The following GABRR3 variants were observed in gnomAD, a reference collection of about 807,000 sequenced individuals.
GABRR3 encodes the protein gamma-aminobutyric acid receptor subunit rho-3.
In GABRR3, 29 loss-of-function variants were observed where a neutral mutation model predicts 43.2. The ratio of observed to expected loss-of-function variants is 0.67; its 90% CI spans 0.50 to 0.92. GABRR3 has a LOEUF of 0.92. Among genes scored for constraint, GABRR3 ranks in the 40% least tolerant of loss-of-function variants. The pLI is 0.00. For synonymous variants in GABRR3, 206 were observed against 195.9 expected (o/e 1.05, Z -0.43); for missense variants, 576 against 572.3 (o/e 1.01, Z -0.07).
chr3:98,010,533 T>C (rs1706776382), intron 5 of GABRR3, among the ~76,000 whole-genome samples: 1 of 152,160 alleles, frequency 6.6e-6, no homozygotes, highest in Admixed American at 6.5e-5. Context: ...ACCATCTGGC[T>C]TGGCCCCCGG....
chr3:98,007,765 T>G, exon 7 of GABRR3: 1 of 1,613,654 alleles, frequency 6.2e-7, no homozygotes, highest in Admixed American at 1.7e-5. Context: ...ATGCTGTACC[T>G]GTGCTGCTAT....
chr3:98,020,002 A>G lies in GABRR3; in HGVS notation c.239-2280T>C, dbSNP rs926339266. Among the ~76,000 whole-genome samples, 11 of 152,296 alleles carry G rather than the reference A, an allele frequency of 7.2e-5. 1 individual carries two copies. The highest frequency in any genetic ancestry group is 3.4e-3 in the Middle Eastern group (1 of 294). On this transcript the variant is annotated intron_variant, in intron 3 of 9. Transcript: ENST00000621172. ...GTGTGCCTTTTTTCTTGGAATTAGT[A>G]GAATAATCAAAATAACAATTCACGA...
At chr3:98,028,147 T>C (rs968555563) in intron 2 of GABRR3, among the ~76,000 whole-genome samples, 2 of 152,190 alleles carry the variant, frequency 1.3e-5, no homozygotes, top group Non-Finnish European at 1.5e-5. Flanking sequence ...TATTTATTAA[T>C]GAACTGATGA....
chr3:97,990,485 A>G (rs138069003), intron 9 of GABRR3, among the ~76,000 whole-genome samples: 115 of 152,032 alleles, frequency 7.6e-4, no homozygotes, highest in Non-Finnish European at 1.2e-3. Flanking sequence ...AGTAGCTGGG[A>G]TTACAGGTTC....
At chr3:98,015,701 A>C (rs1397222445) in intron 4 of GABRR3, among the ~76,000 whole-genome samples, 1 of 152,260 alleles carries the variant, frequency 6.6e-6, no homozygotes, top group Non-Finnish European at 1.5e-5. Flanking sequence ...GATGACGGAA[A>C]AGATAGCAAT....
chr3:98,027,743 A>T (rs1483978088), intron 2 of GABRR3, among the ~76,000 whole-genome samples: 3 of 152,206 alleles, frequency 2.0e-5, no homozygotes, highest in Non-Finnish European at 4.4e-5. Context: ...GAATTTTGAA[A>T]ATCTATATAT....
chr3:98,011,407 A>T (rs1233216704), intron 5 of GABRR3, among the ~76,000 whole-genome samples: 1 of 152,154 alleles, frequency 6.6e-6, no homozygotes, highest in Non-Finnish European at 1.5e-5. Context: ...CTAGGGGGAA[A>T]ATCCATGTGT....
chr3:98,035,172 T>G lies in GABRR3; in HGVS notation c.-3+18A>C. The G allele has an allele frequency of 1.6e-6, 1 of 637,962 alleles. No homozygotes were observed. The highest frequency in any genetic ancestry group is 2.5e-6 in the Non-Finnish European group (1 of 392,842). 39.5% of individuals were successfully genotyped at this position (637,962 alleles called of 1,614,324 possible). A position where few individuals can be genotyped will look rare whatever the true frequency, so the allele number is the denominator to read the frequency against. ...AGCAGATTAAATTGACTCACAGCACTTACAGGCAAATATCTACCTGGATCT... is the reference window on the plus strand; with the variant it reads ...AGCAGATTAAATTGACTCACAGCACGTACAGGCAAATATCTACCTGGATCT... On this transcript the variant is annotated intron_variant, in intron 1 of 9. Transcript: ENST00000621172.
intron 8 of GABRR3, chr3:97,997,355 C>A (rs1706575170): frequency 6.6e-6 from 1 of 151,922 alleles, no homozygotes. Context: ...TCTCTAAAGT[C>A]TAAAATTCTA....
chr3:97,994,080 G>C (rs16839063), intron 8 of GABRR3, among the ~76,000 whole-genome samples: 13,043 of 152,230 alleles, frequency 0.086, 634 homozygotes, highest in Middle Eastern at 0.16. Flanking sequence ...TTTCCCACCA[G>C]GGAGGTGCAA....
chr3:97,988,955 G>A (rs1214576974), intron 9 of GABRR3, among the ~76,000 whole-genome samples: 1 of 151,244 alleles, frequency 6.6e-6, no homozygotes, highest in Admixed American at 6.6e-5. Context: ...GGTGGTAGGT[G>A]GTGGTGGGGG....
chr3:98,020,872 T>TA (rs1491468610), intron 3 of GABRR3, among the ~76,000 whole-genome samples: 2 of 15,012 alleles, frequency 1.3e-4, no homozygotes, highest in Non-Finnish European at 2.8e-4. Flanking sequence ...TTCTTTTTCT[T>TA]TTTTTTTTTT....
intron 2 of GABRR3, among the ~76,000 whole-genome samples, chr3:98,034,384 G>A (rs921148227): frequency 5.9e-5 from 9 of 152,026 alleles, no homozygotes; most frequent in Non-Finnish European, 1.5e-5. Flanking sequence ...TTTGTCAAAC[G>A]TATGAAAATT....
At chr3:97,992,791 T>C in intron 9 of GABRR3, 61 bp downstream of exon 9, 1 of 1,436,148 alleles carries the variant, frequency 7.0e-7, no homozygotes, top group Non-Finnish European at 9.4e-7. Flanking sequence ...GAGAGGGCAA[T>C]AGATAAGGGT....
chr3:98,035,179 C>G lies in GABRR3; in HGVS notation c.-3+11G>C. The G allele has an allele frequency of 1.7e-6, 1 of 598,332 alleles. No individual in the cohort carries two copies. The highest frequency in any genetic ancestry group is 2.8e-6 in the Non-Finnish European group (1 of 358,826). 37.1% of individuals were successfully genotyped at this position (598,332 alleles called of 1,614,324 possible). Reference sequence around the variant, plus strand: ...TAAATTGACTCACAGCACTTACAGGCAAATATCTACCTGGATCTTCAGCAA... The same window carrying G: ...TAAATTGACTCACAGCACTTACAGGGAAATATCTACCTGGATCTTCAGCAA... On this transcript the variant is annotated intron_variant, in intron 1 of 9. Coordinates refer to ENST00000621172, the Ensembl canonical transcript of GABRR3.
chr3:97,993,184 T>C, intron 8 of GABRR3, 136 bp from the exon 9 acceptor site: 3 of 586,096 alleles, frequency 5.1e-6, no homozygotes, highest in Non-Finnish European at 5.7e-6. Flanking sequence ...TGTGTGCATG[T>C]TGACCAGCTA....
downstream of GABRR3, among the ~76,000 whole-genome samples, chr3:97,985,125 TC>T (rs1251887477): frequency 6.6e-6 from 1 of 152,222 alleles, no homozygotes; most frequent in Admixed American, 6.5e-5. Flanking sequence ...AATTTATTTC[TC>T]TTAATTCAAT....
At chr3:98,012,381 G>T (rs201086165) in exon 5 of GABRR3, 5 of 1,613,772 alleles carry the variant, frequency 3.1e-6, no homozygotes, top group Non-Finnish European at 2.5e-6. Context: ...GGGTGTACGC[G>T]CAGCATGATA....
chr3:98,006,005 A>G (rs1034765485), intron 7 of GABRR3, among the ~76,000 whole-genome samples: 1 of 152,146 alleles, frequency 6.6e-6, no homozygotes, highest in Admixed American at 6.5e-5. Flanking sequence ...TTCATTGCAT[A>G]CATTCTTTTA....
Sources: gnomAD v4.1 joint callset for allele counts (sites outside exome capture counted in the v4.1 genomes callset) on GRCh38, gnomAD v4.1.1 for gene constraint, MANE v1.5 for transcripts, NCBI Gene and HGNC (gene_info 2026-07-23, HGNC 2026-07-21) for gene names.